Variants in KCNQ4 observed in about 807,000 individuals in gnomAD.
KCNQ4 encodes the protein potassium voltage-gated channel subfamily Q member 4, also known as potassium voltage-gated channel subfamily KQT member 4.
Under a neutral mutation model 72.6 loss-of-function variants are expected in KCNQ4, and 31 were observed. That is an observed-to-expected ratio of 0.43 (90% CI 0.32 to 0.58). The LOEUF (loss-of-function observed/expected upper bound fraction) is 0.58. Among genes scored for constraint, KCNQ4 ranks in the 20% least tolerant of loss-of-function variants. The pLI is 0.08. For synonymous variants in KCNQ4, 405 were observed against 403.7 expected (o/e 1.00, Z -0.04); for missense variants, 869 against 962.6 (o/e 0.90, Z 1.29).
chr1:40,811,448 T>C (rs149285284), intron 1 of KCNQ4, among the ~76,000 whole-genome samples: 119 of 152,332 alleles, frequency 7.8e-4, no homozygotes, highest in Non-Finnish European at 1.3e-3. Context: ...GGGACCTTTG[T>C]AGAAAGGCAT....
Position 40,838,774 on chromosome 1 carries a change from C to A in KCNQ4, c.*251C>A, listed in dbSNP as rs897524281. 1.7e-6 allele frequency: 1 copy of A among 575,878 alleles called. No homozygotes were observed. Among genetic ancestry groups the A allele is most frequent in the Admixed American group, 3.0e-5 (1 of 33,740 alleles). The allele number at this position is 575,878 out of a possible 1,614,324, so 35.7% of individuals were successfully genotyped here. A position where few individuals can be genotyped will look rare whatever the true frequency, so the allele number is the denominator to read the frequency against. On this transcript the variant is annotated 3_prime_UTR_variant, in exon 14 of 14. Transcript: ENST00000347132. ...CAGCGGCCGTCCCGCGGCCTCTGGG[C>A]CCCCCAGTGCCCTGCCCACTCCATC...
chr1:40,810,746 C>T (rs1428556884), intron 1 of KCNQ4, among the ~76,000 whole-genome samples: 1 of 152,174 alleles, frequency 6.6e-6, no homozygotes, highest in South Asian at 2.1e-4. Flanking sequence ...AGCTGATGGC[C>T]GATCCTCTCC....
intron 7 of KCNQ4, among the ~76,000 whole-genome samples, chr1:40,821,965 A>C (rs942254082): frequency 6.6e-6 from 1 of 152,194 alleles, no homozygotes; most frequent in Non-Finnish European, 1.5e-5. Flanking sequence ...TGCGTTTTAC[A>C]GGTGAAGAAA....
At chr1:40,810,193 C>G (rs1647892668) in intron 1 of KCNQ4, among the ~76,000 whole-genome samples, 2 of 152,218 alleles carry the variant, frequency 1.3e-5, no homozygotes. Context: ...TTAGGCCACA[C>G]CATCCAGAAC....
chr1:40,838,254 C>A (rs890405109), intron 13 of KCNQ4, 57 bp from the exon 14 acceptor site: 5 of 1,511,774 alleles, frequency 3.3e-6, no homozygotes, highest in Non-Finnish European at 4.6e-6. Context: ...AAGCCCCGCC[C>A]CCGGCCGCGT....
Position 40,818,571 on chromosome 1 carries a change from C to A in KCNQ4, c.599C>A (p.Thr200Lys). The A allele has an allele frequency of 1.2e-6, 2 of 1,604,976 alleles. No individual in the cohort carries two copies. Among genetic ancestry groups the A allele is most frequent in the Non-Finnish European group, 1.7e-6 (2 of 1,179,846 alleles). The part of the protein sequence containing the change: ...AAGTQGNIFA[T>K]SALRSMRFLQ... ...GGTACCCAGGGCAACATCTTCGCCA[C>A]GTCCGCGCTGCGCAGCATGCGCTTC... is the stretch of plus-strand genomic sequence containing the variant. The change falls in exon 4 of 14, where the codon ACG becomes AAG. Residue 200 changes from threonine (T) to lysine (K), a missense_variant. Coordinates refer to ENST00000347132, the MANE Select transcript of KCNQ4 (RefSeq NM_004700.4).
At chr1:40,798,400 G>T in intron 1 of KCNQ4, among the ~76,000 whole-genome samples, 1 of 152,198 alleles carries the variant, frequency 6.6e-6, no homozygotes, top group East Asian at 1.9e-4. Flanking sequence ...TGGGAAGGAG[G>T]TCCTCTCTCC....
At chr1:40,815,545 T>G (rs35670563) in intron 1 of KCNQ4, among the ~76,000 whole-genome samples, 2 of 152,192 alleles carry the variant, frequency 1.3e-5, no homozygotes, top group South Asian at 2.1e-4. Context: ...GAGGAGCTGG[T>G]GCTCTTCTCT....
chr1:40,828,392 C>G (rs975302032), intron 9 of KCNQ4, among the ~76,000 whole-genome samples: 8 of 152,182 alleles, frequency 5.3e-5, no homozygotes, highest in South Asian at 2.1e-4. Flanking sequence ...GGATGTGGAA[C>G]AGCACCCTTG....
intron 4 of KCNQ4, 113 bp from the exon 5 acceptor site, chr1:40,819,234 G>T: frequency 7.6e-7 from 1 of 1,324,044 alleles, no homozygotes; most frequent in South Asian, 1.2e-5. Flanking sequence ...AAAGAAAAGC[G>T]AGCCTGGGAC....
At chr1:40,830,906 C>G (rs1459477375) in intron 9 of KCNQ4, among the ~76,000 whole-genome samples, 178 bp from the exon 10 acceptor site, 2 of 152,134 alleles carry the variant, frequency 1.3e-5, no homozygotes, top group Non-Finnish European at 1.5e-5. Flanking sequence ...CCGAATCAGC[C>G]TCTTGTAGGA....
chr1:40,836,121 A>G (rs1648799589), intron 12 of KCNQ4, among the ~76,000 whole-genome samples: 1 of 152,216 alleles, frequency 6.6e-6, no homozygotes, highest in South Asian at 2.1e-4. Context: ...GAGGGTGGAC[A>G]CAGGTAGACC....
chr1:40,795,400 C>T (rs2149033), intron 1 of KCNQ4, among the ~76,000 whole-genome samples: 65,535 of 151,588 alleles, frequency 0.43, 14,825 homozygotes, highest in African/African-American at 0.57. Context: ...TAGCTGAGAC[C>T]GCAGGTGCAC....
chr1:40,837,534 A>G, intron 12 of KCNQ4, 131 bp from the exon 13 acceptor site: 1 of 1,187,176 alleles, frequency 8.4e-7, no homozygotes, highest in Non-Finnish European at 1.2e-6. Context: ...TCCATCTGGC[A>G]GGGCAATGGC....
chr1:40,829,246 G>A (rs1005693532), intron 9 of KCNQ4, among the ~76,000 whole-genome samples: 1 of 152,212 alleles, frequency 6.6e-6, no homozygotes, highest in East Asian at 1.9e-4. Context: ...GACCGGGCAG[G>A]GTGGAGGGTG....
chr1:40,824,849 C>T (rs1648429920), intron 9 of KCNQ4, among the ~76,000 whole-genome samples: 1 of 152,242 alleles, frequency 6.6e-6, no homozygotes, highest in Non-Finnish European at 1.5e-5. Flanking sequence ...CAGCCCTTGT[C>T]TGCAACTTTG....
At chr1:40,837,069 A>G (rs1468659774) in intron 12 of KCNQ4, among the ~76,000 whole-genome samples, 2 of 143,796 alleles carry the variant, frequency 1.4e-5, no homozygotes, top group East Asian at 2.0e-4. Context: ...TCCCCAATCC[A>G]TCTTTTCTTT....
chr1:40,823,429 G>T (rs1243646694), intron 8 of KCNQ4, among the ~76,000 whole-genome samples: 2 of 152,160 alleles, frequency 1.3e-5, no homozygotes, highest in African/African-American at 4.8e-5. Context: ...GGGAAGATCT[G>T]GGGGTGGGGG....
At chr1:40,813,449 G>A (rs1005454974) in intron 1 of KCNQ4, among the ~76,000 whole-genome samples, 1 of 152,204 alleles carries the variant, frequency 6.6e-6, no homozygotes, top group African/African-American at 2.4e-5. Context: ...AAGGGGATGT[G>A]CAGGGGGAGG....
Sources: gnomAD v4.1 joint callset for allele counts (sites outside exome capture counted in the v4.1 genomes callset) on GRCh38, gnomAD v4.1.1 for gene constraint, MANE v1.5 for transcripts, NCBI Gene and HGNC (gene_info 2026-07-23, HGNC 2026-07-21) for gene names.